PALM2AKAP2: variants seen among roughly 807,000 people sequenced by gnomAD.
PALM2AKAP2 encodes the protein PALM2 and AKAP2 fusion, also known as PALM2-AKAP2 fusion protein.
Under a neutral mutation model 71.5 loss-of-function variants are expected in PALM2AKAP2, and 37 were observed. That is an observed-to-expected ratio of 0.52 (90% confidence interval 0.40 to 0.68). The LOEUF (loss-of-function observed/expected upper bound fraction) is 0.68, where lower values mean the gene tolerates loss of function less well. Ranked by LOEUF, PALM2AKAP2 falls within the 30% of genes least tolerant of loss-of-function variation. The pLI, the probability that PALM2AKAP2 is intolerant of heterozygous loss-of-function variation, is 0.00. For synonymous variants in PALM2AKAP2, 468 were observed against 478.8 expected (o/e 0.98, Z 0.29); for missense variants, 1,224 against 1,191.8 (o/e 1.03, Z -0.40).
chr9:110,163,104 A>AT (rs1326662008), intron 3 of PALM2AKAP2, among the ~76,000 whole-genome samples: 1 of 151,426 alleles, frequency 6.6e-6, no homozygotes, highest in African/African-American at 2.4e-5. Context: ...TTCTCTTTTA[A>AT]TTTTTTTCTA....
chr9:110,138,441 A>G, exon 2 of PALM2AKAP2: 4 of 1,614,222 alleles, frequency 2.5e-6, no homozygotes, highest in Non-Finnish European at 3.4e-6. Context: ...AGGGAAGAGG[A>G]GCTGAAGAGG....
chr9:109,641,184 G>T (rs1827060707), intron 1 of PALM2AKAP2, among the ~76,000 whole-genome samples: 1 of 152,230 alleles, frequency 6.6e-6, no homozygotes, highest in Admixed American at 6.5e-5. Context: ...CGCTTATCGG[G>T]GAGTTGGCCG....
chr9:109,916,313 T>C (rs1830690631), intron 3 of PALM2AKAP2, among the ~76,000 whole-genome samples: 1 of 152,150 alleles, frequency 6.6e-6, no homozygotes, highest in Non-Finnish European at 1.5e-5. Flanking sequence ...TGCTCTGTCT[T>C]CCCTTCTCTT....
At chr9:110,016,374 T>C (rs1832981004) in intron 7 of PALM2AKAP2, among the ~76,000 whole-genome samples, 1 of 152,168 alleles carries the variant, frequency 6.6e-6, no homozygotes, top group Non-Finnish European at 1.5e-5. Flanking sequence ...TTGTAAATGG[T>C]AACCCCAGTG....
chr9:110,097,415 T>G (rs1834875866), intron 1 of PALM2AKAP2, among the ~76,000 whole-genome samples: 1 of 150,694 alleles, frequency 6.6e-6, no homozygotes, highest in South Asian at 2.1e-4. Context: ...CCCCCCTTTC[T>G]ATTCCACAAA....
intron 1 of PALM2AKAP2, among the ~76,000 whole-genome samples, chr9:109,796,291 G>A (rs1480474223): frequency 6.6e-6 from 1 of 152,182 alleles, no homozygotes; most frequent in Non-Finnish European, 1.5e-5. Flanking sequence ...TGTACAGTCA[G>A]CAAAATATTA....
Position 110,137,879 on chromosome 9 carries a change from G to A in PALM2AKAP2, c.1909G>A (p.Gly637Ser), listed in dbSNP as rs199801730. 2.5e-6 allele frequency: 4 copies of A among 1,614,198 alleles called. No individual in the cohort carries two copies. The East Asian group carries it at 8.9e-5, about 36-fold the overall frequency. Residue 637 changes from glycine (G) to serine (S), a missense_variant, in exon 2 of 4, where the codon GGT becomes AGT. Coordinates refer to ENST00000374525, the Ensembl canonical transcript of PALM2AKAP2. ...CGTCTCCAAGTCATTTAGTGATCAT[G>A]GTTTCTATTCCCCTTCCTCCACGCT...
intron 1 of PALM2AKAP2, among the ~76,000 whole-genome samples, chr9:109,810,975 T>C (rs1024997378): frequency 6.6e-6 from 1 of 152,042 alleles, no homozygotes; most frequent in Non-Finnish European, 1.5e-5. Flanking sequence ...GGAAGCAAGG[T>C]CATCAGCTGG....
intron 1 of PALM2AKAP2, among the ~76,000 whole-genome samples, chr9:110,050,024 G>C (rs1280378453): frequency 6.6e-6 from 1 of 152,224 alleles, no homozygotes; most frequent in East Asian, 1.9e-4. Context: ...GGGTAGCATG[G>C]GTTTGGCTCT....
chr9:110,121,359 G>GA (rs539744859), intron 1 of PALM2AKAP2, among the ~76,000 whole-genome samples: 24 of 152,336 alleles, frequency 1.6e-4, no homozygotes, highest in African/African-American at 5.3e-4. Flanking sequence ...GGTAAGGAGG[G>GA]AGAGGACAAG....
intron 1 of PALM2AKAP2, among the ~76,000 whole-genome samples, chr9:109,653,959 A>C (rs1419166572): frequency 6.6e-6 from 1 of 152,218 alleles, no homozygotes; most frequent in East Asian, 1.9e-4. Flanking sequence ...TTACATGTGG[A>C]TAGGCAAAGT....
At chr9:109,839,922 G>A (rs1314035044) in intron 1 of PALM2AKAP2, among the ~76,000 whole-genome samples, 1 of 152,136 alleles carries the variant, frequency 6.6e-6, no homozygotes. Flanking sequence ...TCAATATCGT[G>A]AAAATGGTCA....
chr9:109,992,952 TATAGAG>T lies in PALM2AKAP2; in HGVS notation c.497-23000_497-22995del, dbSNP rs1337091397. Among the ~76,000 whole-genome samples the T allele has an allele frequency of 2.8e-5, 4 of 144,488 alleles. No homozygotes were observed. In the South Asian group the frequency reaches 6.7e-4, roughly 24 times the overall value. The allele number at this position is 144,488 out of a possible 152,430, so 94.8% of individuals were successfully genotyped here. On this transcript the variant is annotated intron_variant, in intron 6 of 9. Coordinates refer to the PALM2AKAP2 transcript ENST00000302798. Reference sequence around the variant, plus strand: ...ATTCATATATATGTATATATATATATATAGAGAGAGAGAGAGAGAGAGAGAGCAGAG... The same window carrying T: ...ATTCATATATATGTATATATATATATAGAGAGAGAGAGAGAGAGAGCAGAG...
intron 2 of PALM2AKAP2, among the ~76,000 whole-genome samples, chr9:110,148,858 G>A (rs995601175): frequency 1.2e-4 from 19 of 152,142 alleles, no homozygotes; most frequent in African/African-American, 4.6e-4. Context: ...CATAATATCT[G>A]ACCAAAATTT....
chr9:109,880,467 G>A (rs889443157), intron 2 of PALM2AKAP2, 84 bp from the exon 3 acceptor site: 6 of 1,555,284 alleles, frequency 3.9e-6, no homozygotes, highest in Non-Finnish European at 4.4e-6. Context: ...GAGGGGTGGA[G>A]CTAAAACAGC....
chr9:109,814,823 AGATAATGGT>A (rs533127919), intron 1 of PALM2AKAP2, among the ~76,000 whole-genome samples: 2 of 152,216 alleles, frequency 1.3e-5, no homozygotes, highest in Non-Finnish European at 2.9e-5. Context: ...GGAAGGTTTG[AGATAATGGT>A]GAGAATGGTG....
chr9:110,029,598 C>T (rs78125453), intron 7 of PALM2AKAP2, among the ~76,000 whole-genome samples: 3 of 152,162 alleles, frequency 2.0e-5, no homozygotes, highest in Non-Finnish European at 2.9e-5. Context: ...TATGTCAGAG[C>T]CTGTCTGCAG....
chr9:110,137,184 T>C (rs774899906), exon 2 of PALM2AKAP2: 2 of 1,613,846 alleles, frequency 1.2e-6, no homozygotes, highest in Non-Finnish European at 1.7e-6. Context: ...AAGGAGGACA[T>C]TGTCACAGAG....
At chr9:110,163,782 G>A (rs10759393) in intron 3 of PALM2AKAP2, among the ~76,000 whole-genome samples, 79,198 of 151,900 alleles carry the variant, frequency 0.52, 21,033 homozygotes, top group East Asian at 0.86. Flanking sequence ...TCAATCTTCT[G>A]TTATGGAAAT....
Sources: gnomAD v4.1 joint callset for allele counts (sites outside exome capture counted in the v4.1 genomes callset) on GRCh38, gnomAD v4.1.1 for gene constraint, MANE v1.5 for transcripts, NCBI Gene and HGNC (gene_info 2026-07-23, HGNC 2026-07-21) for gene names.